The following CDK14 variants were observed in gnomAD, a reference collection of about 807,000 sequenced individuals.
CDK14 encodes cyclin dependent kinase 14, also known as cyclin-dependent kinase 14.
Under a neutral mutation model 60.7 loss-of-function variants are expected in CDK14, and 34 were observed. The observed-to-expected ratio is 0.56, with a 90% CI of 0.43 to 0.75. The LOEUF (loss-of-function observed/expected upper bound fraction) is 0.75. CDK14 is among the 30% of genes least tolerant of loss of function. The pLI, the probability that CDK14 is intolerant of heterozygous loss-of-function variation, is 0.00. For synonymous variants in CDK14, 197 were observed against 203.7 expected, an observed-to-expected ratio of 0.97 and a Z score of 0.28; for missense variants, 482 against 564.1, an observed-to-expected ratio of 0.85 and a Z score of 1.47.
Position 90,899,608 on chromosome 7 carries a change from G to A in CDK14, c.702+255G>A, listed in dbSNP as rs3779569. ...TGCTGGAGAAACATTTGCTAATAAT[G>A]AGTGAAAACCACTGGAATCCTACTT... On this transcript the variant is annotated intron_variant, in intron 7 of 14. Coordinates refer to ENST00000380050, the MANE Select transcript of CDK14 (RefSeq NM_001287135.2). Among the ~76,000 whole-genome samples, 24,559 of 151,964 alleles carry A rather than the reference G, an allele frequency of 0.16. 2,268 individuals carry two copies. Among genetic ancestry groups the A allele is most frequent in the Middle Eastern group, 0.28 (83 of 294 alleles).
intron 8 of CDK14, among the ~76,000 whole-genome samples, chr7:90,952,908 A>G (rs558915655): frequency 2.0e-5 from 3 of 152,336 alleles, no homozygotes; most frequent in Admixed American, 6.5e-5. Context: ...CATGAACTGT[A>G]TAAACATATA....
intron 14 of CDK14, among the ~76,000 whole-genome samples, chr7:91,156,132 C>T (rs982603745): frequency 2.6e-5 from 4 of 152,130 alleles, no homozygotes; most frequent in South Asian, 2.1e-4. Context: ...TGGAATAGGC[C>T]GCCAGACCTC....
At chr7:91,110,130 C>G (rs942204222) in intron 12 of CDK14, among the ~76,000 whole-genome samples, 3 of 152,040 alleles carry the variant, frequency 2.0e-5, no homozygotes, top group Non-Finnish European at 4.4e-5. Flanking sequence ...GTCTTAACAA[C>G]TTAGGTAGAC....
chr7:91,103,151 G>C (rs576719639), intron 12 of CDK14, among the ~76,000 whole-genome samples: 192 of 152,156 alleles, frequency 1.3e-3, no homozygotes, highest in Non-Finnish European at 2.3e-3. Flanking sequence ...TACCCAGGAG[G>C]CTGAGGCAGG....
At chr7:91,132,000 T>TGTTGGTTGGTTGGTTG (rs3038327) in intron 14 of CDK14, among the ~76,000 whole-genome samples, 243 of 150,770 alleles carry the variant, frequency 1.6e-3, no homozygotes, top group African/African-American at 5.3e-3. Context: ...GAAGTTTTTT[T>TGTTGGTTGGTTGGTTG]GTTGGTTGGT....
At chr7:90,749,399 G>A (rs1803728238) in intron 4 of CDK14, among the ~76,000 whole-genome samples, 1 of 151,960 alleles carries the variant, frequency 6.6e-6, no homozygotes, top group Non-Finnish European at 1.5e-5. Context: ...AGACATCCAG[G>A]TGCAGGAGGG....
At chr7:90,955,880 G>C (rs1794395151) in intron 9 of CDK14, 63 bp downstream of exon 9, 1 of 1,578,452 alleles carries the variant, frequency 6.3e-7, no homozygotes, top group Non-Finnish European at 8.7e-7. Context: ...GTCAAGCCTA[G>C]ACAAACATCC....
chr7:91,164,906 A>T (rs551315695), intron 14 of CDK14, among the ~76,000 whole-genome samples: 2 of 152,200 alleles, frequency 1.3e-5, no homozygotes, highest in Admixed American at 6.5e-5. Context: ...GTTGGGGTCT[A>T]AAAAATAGAA....
chr7:90,642,246 T>C (rs1469179713), intron 2 of CDK14, among the ~76,000 whole-genome samples: 1 of 152,234 alleles, frequency 6.6e-6, no homozygotes, highest in African/African-American at 2.4e-5. Flanking sequence ...ATGCCAGAAA[T>C]GACATACTTT....
At chr7:90,907,047 A>G (rs1402919377) in intron 7 of CDK14, among the ~76,000 whole-genome samples, 1 of 152,096 alleles carries the variant, frequency 6.6e-6, no homozygotes, top group African/African-American at 2.4e-5. Flanking sequence ...TCAATTTTTG[A>G]CAAAGTAATT....
chr7:91,125,616 G>A (rs762383517), intron 14 of CDK14, among the ~76,000 whole-genome samples: 5 of 151,806 alleles, frequency 3.3e-5, no homozygotes, highest in Non-Finnish European at 4.4e-5. Context: ...GAGTTGTGAA[G>A]ATAACATCAT....
At chr7:90,717,833 A>G (rs1802305213) in intron 2 of CDK14, among the ~76,000 whole-genome samples, 1 of 152,030 alleles carries the variant, frequency 6.6e-6, no homozygotes, top group Admixed American at 6.6e-5. Context: ...CTTTGGGAAC[A>G]CTAAAGAAAT....
In CDK14 at chr7:91,185,025, GC is replaced by G. The variant is rs1169697360; in HGVS notation, c.*29-22136del. 2.0e-5 allele frequency among the ~76,000 whole-genome samples: 3 copies of G among 150,924 alleles called. No individual in the cohort carries two copies. In the East Asian group the frequency reaches 5.8e-4, roughly 29 times the overall value. ...AGGCGTGCATACATTGCGAGTGGTA[GC>G]CCCAGCTGTCATCTGTATTTTAGGA... On this transcript the variant is annotated intron_variant, in intron 14 of 14. Coordinates refer to ENST00000380050, the MANE Select transcript of CDK14 (RefSeq NM_001287135.2).
intron 9 of CDK14, among the ~76,000 whole-genome samples, chr7:90,964,794 G>T (rs945108818): frequency 1.1e-4 from 17 of 152,010 alleles, no homozygotes; most frequent in African/African-American, 4.1e-4. Context: ...TCCTAATTTA[G>T]AATCTATATC....
At chr7:90,697,504 C>T (rs1442019086) in intron 2 of CDK14, among the ~76,000 whole-genome samples, 2 of 151,950 alleles carry the variant, frequency 1.3e-5, no homozygotes, top group Non-Finnish European at 2.9e-5. Context: ...CCTAAAAAAT[C>T]GTTTTATAAA....
intron 5 of CDK14, among the ~76,000 whole-genome samples, chr7:90,815,917 G>A (rs1407003780): frequency 4.0e-5 from 6 of 151,854 alleles, no homozygotes; most frequent in African/African-American, 1.2e-4. Flanking sequence ...GGGCCTTTCC[G>A]GGGATGGGGG....
chr7:90,611,833 T>TG (rs1563015496), intron 2 of CDK14, among the ~76,000 whole-genome samples: 6 of 140,340 alleles, frequency 4.3e-5, no homozygotes, highest in East Asian at 2.1e-4. Context: ...CTTTGTGTGT[T>TG]TTTTTTTTTT....
chr7:90,824,160 A>G (rs1457475321), intron 5 of CDK14, among the ~76,000 whole-genome samples: 1 of 152,182 alleles, frequency 6.6e-6, no homozygotes, highest in Non-Finnish European at 1.5e-5. Flanking sequence ...CATAATGACA[A>G]TAGACAATGT....
intron 2 of CDK14, chr7:90,716,435 T>A (rs184896195): frequency 6.6e-6 from 1 of 152,238 alleles, no homozygotes; most frequent in East Asian, 1.9e-4. Context: ...TCAATTCTAC[T>A]TAGGATAATT....
Sources: allele counts gnomAD v4.1 joint callset (sites outside exome capture counted in the v4.1 genomes callset), GRCh38; gene constraint gnomAD v4.1.1; transcripts MANE v1.5; gene names NCBI Gene and HGNC (gene_info 2026-07-23, HGNC 2026-07-21).